The following TRPM2 variants were observed in gnomAD, a reference collection of about 807,000 sequenced individuals.
The protein encoded by TRPM2 is estrogen-responsive element-associated gene 1 protein.
A neutral mutation model predicts 174.0 loss-of-function variants in TRPM2; 161 were observed. The observed-to-expected ratio is 0.93, with a 90% CI of 0.81 to 1.05. The LOEUF (loss-of-function observed/expected upper bound fraction) is 1.05, where lower values mean the gene tolerates loss of function less well. TRPM2 is among the 50% of genes least tolerant of loss of function. TRPM2 has a pLI of 0.00. For synonymous variants in TRPM2, 954 were observed against 861.3 expected, an observed-to-expected ratio of 1.11 and a Z score of -1.88; for missense variants, 2,057 against 2,038.0, an observed-to-expected ratio of 1.01 and a Z score of -0.18.
intron 25 of TRPM2, among the ~76,000 whole-genome samples, 194 bp downstream of exon 25, chr21:44,426,021 A>G (rs1257892618): frequency 1.3e-5 from 2 of 152,152 alleles, no homozygotes; most frequent in African/African-American, 2.4e-5. Context: ...CAGGGGCCTC[A>G]CAGCTGGAGG....
chr21:44,370,462 C>T (rs993596815), intron 5 of TRPM2, among the ~76,000 whole-genome samples: 2 of 152,180 alleles, frequency 1.3e-5, no homozygotes, highest in African/African-American at 4.8e-5. Context: ...GTCATTCAAC[C>T]AGATTTTCCA....
rs767652265 is a variant in TRPM2, at chr21:44,418,462, C to G, written c.3368C>G (p.Ser1123Cys). ...AAGAACGAGGAGGCGGCCCTGCTAT[C>G]CTGGGAGATCTACCTGAAGGAGAAC... is the stretch of plus-strand genomic sequence containing the variant. ...LEKNEEAALL[S>C]WEIYLKENYL... is the part of the protein sequence containing the mutation. Residue 1123 changes from serine to cysteine, a missense_variant, in exon 22 of 32, where the codon TCC becomes TGC. Physicochemically the swap from Ser to Cys is moderately radical, Grantham distance 112 (BLOSUM62 -1). Transcript: ENST00000397928. 6.2e-7 allele frequency: 1 copy of G among 1,614,134 alleles called. No individual in the cohort carries two copies. The highest frequency in any genetic ancestry group is 1.1e-5 in the South Asian group (1 of 91,082).
intron 27 of TRPM2, among the ~76,000 whole-genome samples, chr21:44,434,552 G>A (rs1363956163): frequency 3.3e-5 from 5 of 152,130 alleles, no homozygotes; most frequent in African/African-American, 9.7e-5. Flanking sequence ...GAAATCGCCC[G>A]TTTCTAGAAC....
At chr21:44,421,850 G>A (rs536343561) in intron 22 of TRPM2, among the ~76,000 whole-genome samples, 44 of 152,340 alleles carry the variant, frequency 2.9e-4, no homozygotes, top group African/African-American at 9.4e-4. Flanking sequence ...CCAGGGGTTC[G>A]AGGCTGCAGT....
chr21:44,395,661 A>AG, intron 12 of TRPM2, 110 bp downstream of exon 12: 2 of 1,257,176 alleles, frequency 1.6e-6, no homozygotes, highest in Non-Finnish European at 1.1e-6. Context: ...GTGCACGTGG[A>AG]GGCTGTGGAG....
intron 19 of TRPM2, among the ~76,000 whole-genome samples, chr21:44,410,935 C>G (rs1408160569): frequency 8.2e-6 from 1 of 121,496 alleles, no homozygotes; most frequent in African/African-American, 3.0e-5. Context: ...TAAGTTTTGA[C>G]CTCACTGTCT....
At chr21:44,388,376 T>C (rs940573339) in intron 9 of TRPM2, among the ~76,000 whole-genome samples, 5 of 152,116 alleles carry the variant, frequency 3.3e-5, no homozygotes, top group African/African-American at 1.2e-4. Context: ...AGACAGAAAG[T>C]AGAATGGTGG....
At chr21:44,403,653 GCA>G (rs45487094) in intron 16 of TRPM2, among the ~76,000 whole-genome samples, 302 of 148,464 alleles carry the variant, frequency 2.0e-3, no homozygotes, top group African/African-American at 6.4e-3. Context: ...ATGCACACAT[GCA>G]CACACATGCA....
upstream of TRPM2, among the ~76,000 whole-genome samples, chr21:44,351,641 C>T (rs2047927274): frequency 1.3e-5 from 2 of 152,192 alleles, no homozygotes; most frequent in Admixed American, 6.5e-5. Context: ...GCTGGATGGG[C>T]CCTTGGAAGG....
At chr21:44,374,312 G>T (rs1240980619) in intron 5 of TRPM2, among the ~76,000 whole-genome samples, 1 of 151,972 alleles carries the variant, frequency 6.6e-6, no homozygotes, top group East Asian at 1.9e-4. Context: ...TGCCTGGCCC[G>T]TATATATATT....
intron 31 of TRPM2, 100 bp from the exon 32 acceptor site, chr21:44,441,592 G>C: frequency 7.1e-7 from 1 of 1,411,372 alleles, no homozygotes; most frequent in Non-Finnish European, 9.3e-7. Flanking sequence ...GTAAAGGGAG[G>C]GTGTGCAGGC....
chr21:44,434,431 G>A (rs935923165), intron 27 of TRPM2, among the ~76,000 whole-genome samples: 13 of 151,948 alleles, frequency 8.6e-5, no homozygotes, highest in Admixed American at 2.0e-4. Flanking sequence ...GGATGCTGTC[G>A]GGGACTATGG....
chr21:44,370,071 C>A (rs1010778702), intron 5 of TRPM2, among the ~76,000 whole-genome samples: 1 of 152,096 alleles, frequency 6.6e-6, no homozygotes, highest in Non-Finnish European at 1.5e-5. Flanking sequence ...CGGCCCACCC[C>A]TGACCCAGGT....
chr21:44,413,790 G>A, intron 19 of TRPM2, 101 bp from the exon 20 acceptor site: 2 of 1,368,102 alleles, frequency 1.5e-6, no homozygotes, highest in East Asian at 2.3e-5. Context: ...GGCCTGCGGG[G>A]GACCTGGCAG....
chr21:44,366,886 C>T lies in TRPM2; in HGVS notation c.556C>T (p.Leu186=). 6.2e-7 allele frequency: 1 copy of T among 1,611,994 alleles called. No homozygotes were observed. The highest frequency in any genetic ancestry group is 2.2e-5 in the East Asian group (1 of 44,816). ...CAAGAACTTCAACATGAAGCCGCGG[C>T]TGAAGAGCATTTTCCGCAGAGGCCT... The part of the protein sequence containing the change: ...GAKNFNMKPR[L]KSIFRRGLVK... The change falls in exon 4 of 32, where the codon CTG becomes TTG. Residue 186 remains leucine, a synonymous_variant. Coordinates refer to ENST00000397928, the MANE Select transcript of TRPM2 (RefSeq NM_003307.4). This position sits in a 1 kb window ranked among gnomAD's most constrained non-coding sequence, Gnocchi z 6.0.
chr21:44,433,554 G>A (rs1002446243), intron 27 of TRPM2, among the ~76,000 whole-genome samples: 1 of 152,210 alleles, frequency 6.6e-6, no homozygotes, highest in Non-Finnish European at 1.5e-5. Context: ...ACGGGCTTGG[G>A]GTTGAGGGGA....
rs761693498 is a variant in TRPM2 at position 44,413,872 on chromosome 21, C to T, written c.2963-19C>T. On this transcript the variant is annotated intron_variant, in intron 19 of 31. Coordinates refer to ENST00000397928, the MANE Select transcript of TRPM2 (RefSeq NM_003307.4). ...CTGTGTTGTTTTCTTGGCTCACCCA[C>T]CCCCATTCCCAACGCCAGGTGTGAA... 18 of 1,602,330 alleles carry T rather than the reference C, an allele frequency of 1.1e-5. No individual in the cohort carries two copies. The highest frequency in any genetic ancestry group is 6.7e-5 in the East Asian group (3 of 44,606).
intron 27 of TRPM2, among the ~76,000 whole-genome samples, chr21:44,429,008 T>C (rs1601245425): frequency 6.6e-6 from 1 of 152,234 alleles, no homozygotes; most frequent in African/African-American, 2.4e-5. Flanking sequence ...AGCTTTTTTG[T>C]GAGTTTAAAA....
rs370934873 is a variant in TRPM2, at chr21:44,431,351, C to T, written c.3975-3780C>T. Among the ~76,000 whole-genome samples the T allele has an allele frequency of 1.4e-3, 205 of 151,470 alleles. 8 individuals carry two copies. The South Asian group carries it at 0.037, about 27-fold the overall frequency. On this transcript the variant is annotated intron_variant, in intron 27 of 31. Coordinates refer to ENST00000397928, the MANE Select transcript of TRPM2 (RefSeq NM_003307.4). ...ATGAGGTCTTGCTCTATTGCCCAGGCAGATCTTAAGCTCCTGGGCTCAAGC... is the reference window on the plus strand; with the variant it reads ...ATGAGGTCTTGCTCTATTGCCCAGGTAGATCTTAAGCTCCTGGGCTCAAGC...
Sources: allele counts gnomAD v4.1 joint callset (sites outside exome capture counted in the v4.1 genomes callset), GRCh38; gene constraint gnomAD v4.1.1; non-coding constraint Gnocchi (gnomAD v3.1); transcripts MANE v1.5; gene names NCBI Gene and HGNC (gene_info 2026-07-23, HGNC 2026-07-21).